The following GPR39 variants were observed in gnomAD, a reference collection of about 807,000 sequenced individuals.
GPR39 encodes the protein G protein-coupled receptor 39, also known as zinc sensing receptor.
Under a neutral mutation model 18.4 loss-of-function variants are expected in GPR39, and 23 were observed. The ratio of observed to expected loss-of-function variants is 1.25; its 90% CI spans 0.90 to 1.77. GPR39 has a LOEUF of 1.77. GPR39 is among the 40% of genes most tolerant of loss of function. GPR39 has a pLI of 0.00. For missense variants in GPR39, 647 were observed against 602.4 expected, an observed-to-expected ratio of 1.07 and a Z score of -0.78; for synonymous variants, 280 against 257.9, an observed-to-expected ratio of 1.09 and a Z score of -0.82.
At chr2:132,458,181 T>C (rs919040916) in intron 1 of GPR39, among the ~76,000 whole-genome samples, 1 of 152,138 alleles carries the variant, frequency 6.6e-6, no homozygotes, top group Non-Finnish European at 1.5e-5. Context: ...GGTACCTCAG[T>C]TGGAAGTGCA....
intron 1 of GPR39, among the ~76,000 whole-genome samples, chr2:132,620,232 G>A (rs1223214265): frequency 6.6e-6 from 1 of 152,158 alleles, no homozygotes; most frequent in African/African-American, 2.4e-5. Context: ...GTTCCCTCCG[G>A]AGGCAGGAGG....
intron 1 of GPR39, among the ~76,000 whole-genome samples, chr2:132,452,640 C>T (rs1303070042): frequency 6.6e-6 from 1 of 151,768 alleles, no homozygotes; most frequent in Non-Finnish European, 1.5e-5. Context: ...CCCCCACCCC[C>T]CAATAGGCCC....
chr2:132,477,128 G>T (rs1167972332), intron 1 of GPR39, among the ~76,000 whole-genome samples: 2 of 152,226 alleles, frequency 1.3e-5, no homozygotes, highest in Admixed American at 1.3e-4. Context: ...AATTGCTGCA[G>T]TGATTATTTT....
chr2:132,433,019 T>G (rs1207573588), intron 1 of GPR39, among the ~76,000 whole-genome samples: 1 of 152,184 alleles, frequency 6.6e-6, no homozygotes, highest in East Asian at 1.9e-4. Context: ...AATAAACGTA[T>G]TATAATACTT....
intron 1 of GPR39, among the ~76,000 whole-genome samples, chr2:132,547,622 G>C (rs1301775310): frequency 6.6e-6 from 1 of 152,132 alleles, no homozygotes; most frequent in Non-Finnish European, 1.5e-5. Context: ...TAATAAGATA[G>C]TTCAGCTAAT....
intron 1 of GPR39, among the ~76,000 whole-genome samples, chr2:132,483,759 A>G (rs1681279508): frequency 1.3e-5 from 2 of 152,298 alleles, no homozygotes; most frequent in South Asian, 4.1e-4. Flanking sequence ...ATTCTCAGCC[A>G]GGGCCTAGGG....
At chr2:132,490,101 C>T (rs1292631084) in intron 1 of GPR39, among the ~76,000 whole-genome samples, 3 of 151,904 alleles carry the variant, frequency 2.0e-5, no homozygotes, top group East Asian at 1.9e-4. Flanking sequence ...GCCTGGCTCA[C>T]TGGGGACACA....
chr2:132,523,270 G>A (rs11898943), intron 1 of GPR39, among the ~76,000 whole-genome samples: 265 of 152,288 alleles, frequency 1.7e-3, no homozygotes, highest in African/African-American at 6.3e-3. Flanking sequence ...ACCATCTTTT[G>A]TCACCATCGT....
At chr2:132,616,843 TTA>T (rs1418808829) in intron 1 of GPR39, among the ~76,000 whole-genome samples, 1 of 152,222 alleles carries the variant, frequency 6.6e-6, no homozygotes, top group African/African-American at 2.4e-5. Context: ...TCATAAGGAA[TTA>T]TATAAAGCAG....
At chr2:132,560,890 GT>G (rs951338788) in intron 1 of GPR39, among the ~76,000 whole-genome samples, 3 of 147,292 alleles carry the variant, frequency 2.0e-5, no homozygotes, top group African/African-American at 5.0e-5. Context: ...CTCACATTTT[GT>G]TTTTTTTTGT....
At chr2:132,570,750 G>A (rs1680428393) in intron 1 of GPR39, among the ~76,000 whole-genome samples, 1 of 152,098 alleles carries the variant, frequency 6.6e-6, no homozygotes, top group Non-Finnish European at 1.5e-5. Flanking sequence ...CCTCCCCAGG[G>A]GCACAGTTGA....
chr2:132,425,976 A>ACAC (rs750537101), intron 1 of GPR39, among the ~76,000 whole-genome samples: 1 of 152,358 alleles, frequency 6.6e-6, no homozygotes, highest in South Asian at 2.1e-4. Context: ...TTGTGTGCTA[A>ACAC]TAAATAGGTG....
intron 1 of GPR39, among the ~76,000 whole-genome samples, chr2:132,544,683 C>T (rs974051828): frequency 3.0e-4 from 46 of 152,292 alleles, no homozygotes; most frequent in African/African-American, 7.2e-4. Context: ...TGCACCAGTC[C>T]GCCAGCATTA....
At chr2:132,463,615 A>G (rs1040432183) in intron 1 of GPR39, among the ~76,000 whole-genome samples, 2 of 152,172 alleles carry the variant, frequency 1.3e-5, no homozygotes, top group Non-Finnish European at 2.9e-5. Flanking sequence ...TGCTGTGTGA[A>G]GTTAAACTCA....
At chr2:132,465,014 A>G (rs1391361648) in intron 1 of GPR39, among the ~76,000 whole-genome samples, 1 of 152,202 alleles carries the variant, frequency 6.6e-6, no homozygotes, top group Non-Finnish European at 1.5e-5. Context: ...CTGTAAGCCA[A>G]TGTTTCAAAA....
intron 1 of GPR39, among the ~76,000 whole-genome samples, chr2:132,443,292 T>G (rs1680473214): frequency 6.6e-6 from 1 of 152,220 alleles, no homozygotes; most frequent in African/African-American, 2.4e-5. Context: ...ATTGCGTAAC[T>G]CATCCAATAT....
intron 1 of GPR39, among the ~76,000 whole-genome samples, chr2:132,574,381 C>A (rs761302406): frequency 6.6e-5 from 10 of 152,122 alleles, no homozygotes; most frequent in South Asian, 2.1e-4. Flanking sequence ...TCTAAAAATT[C>A]TCTTTATGCT....
Position 132,645,413 on chromosome 2 carries a change from G to T in GPR39, c.1169G>T (p.Arg390Leu), listed in dbSNP as rs548819578. Reference sequence around the variant, plus strand: ...ACCGACAGCGCCCGCTTTGTGCAGCGCCCGTTGCTCTTCGCGTCCCGGCGC... The same window carrying T: ...ACCGACAGCGCCCGCTTTGTGCAGCTCCCGTTGCTCTTCGCGTCCCGGCGC... ...STTDSARFVQ[R>L]PLLFASRRQS... is the part of the protein sequence containing the mutation. The change falls in exon 2 of 2, where the codon CGC becomes CTC. Residue 390 changes from arginine to leucine, a missense_variant. By Grantham distance (102) the Arg-to-Leu change is moderately radical (BLOSUM62 -2). This residue lies in a region of GPR39 where 581 missense variants were observed against 506.8 expected (regional missense o/e 1.15). Coordinates refer to ENST00000329321, the MANE Select transcript of GPR39 (RefSeq NM_001508.3). 1.6e-5 allele frequency: 26 copies of T among 1,613,502 alleles called. 1 individual carries two copies. The East Asian group carries it at 3.3e-4, about 21-fold the overall frequency.
At chr2:132,629,106 C>T (rs560371547) in intron 1 of GPR39, among the ~76,000 whole-genome samples, 36 of 152,198 alleles carry the variant, frequency 2.4e-4, no homozygotes, top group African/African-American at 6.7e-4. Flanking sequence ...AGACATGGAG[C>T]GTCCTGGAAT....
Sources: gnomAD v4.1 joint callset for allele counts (sites outside exome capture counted in the v4.1 genomes callset) on GRCh38, gnomAD v4.1.1 for gene constraint, gnomAD v4.1.1 regional missense constraint, MANE v1.5 for transcripts, NCBI Gene and HGNC (gene_info 2026-07-23, HGNC 2026-07-21) for gene names.